OPCML: variants seen among roughly 807,000 people sequenced by gnomAD.
OPCML encodes the protein opioid-binding protein/cell adhesion molecule.
Under a neutral mutation model 37.8 loss-of-function variants are expected in OPCML, and 13 were observed. That is an observed-to-expected ratio of 0.34 (90% confidence interval 0.22 to 0.55). The LOEUF is 0.55. Ranked by LOEUF, OPCML falls within the 20% of genes least tolerant of loss-of-function variation. OPCML has a pLI of 0.91. For synonymous variants in OPCML, 176 were observed against 168.8 expected, an observed-to-expected ratio of 1.04 and a Z score of -0.33; for missense variants, 341 against 435.6, an observed-to-expected ratio of 0.78 and a Z score of 1.93.
intron 2 of OPCML, among the ~76,000 whole-genome samples, chr11:132,870,064 C>A (rs1409271025): frequency 6.6e-6 from 1 of 152,146 alleles, no homozygotes; most frequent in African/African-American, 2.4e-5. Context: ...CTACTACACA[C>A]TAGATTTCTT....
intron 1 of OPCML, among the ~76,000 whole-genome samples, chr11:133,187,377 G>C (rs980611009): frequency 2.0e-5 from 3 of 152,060 alleles, no homozygotes; most frequent in Non-Finnish European, 4.4e-5. Flanking sequence ...AGAACTACTG[G>C]TTGGGATGAT....
chr11:133,358,658 G>C (rs1450400519), intron 1 of OPCML, among the ~76,000 whole-genome samples: 1 of 152,186 alleles, frequency 6.6e-6, no homozygotes, highest in Non-Finnish European at 1.5e-5. Context: ...GTGTAATTGA[G>C]AGAGGTACAA....
intron 2 of OPCML, among the ~76,000 whole-genome samples, chr11:132,942,577 A>G (rs1345043548): frequency 6.8e-6 from 1 of 147,188 alleles, no homozygotes; most frequent in East Asian, 2.0e-4. Flanking sequence ...ACAGCCATCC[A>G]AGGGGCTCAG....
chr11:133,208,063 T>C lies in OPCML; in HGVS notation c.62-265053A>G, dbSNP rs549925991. On this transcript the variant is annotated intron_variant, in intron 1 of 7. Transcript: ENST00000524381. The surrounding 1 kb of genome is among the most constrained non-coding windows in gnomAD (Gnocchi z 8.9). The stretch of plus-strand genomic sequence containing the variant: ...AGGCAAGGTTAAGAGCTCCTTACTC[T>C]GAGCTCCCATAGCATTATTTTTTTC... 6.6e-6 allele frequency among the ~76,000 whole-genome samples: 1 copy of C among 152,318 alleles called. No homozygotes were observed. Among genetic ancestry groups the C allele is most frequent in the South Asian group, 2.1e-4 (1 of 4,828 alleles).
chr11:132,669,392 G>A (rs907470575), intron 2 of OPCML, among the ~76,000 whole-genome samples: 5 of 123,276 alleles, frequency 4.1e-5, no homozygotes. Flanking sequence ...CACAGATACT[G>A]CTGGGCACCA....
chr11:132,961,323 C>T (rs1946088899), intron 1 of OPCML, among the ~76,000 whole-genome samples: 2 of 152,212 alleles, frequency 1.3e-5, no homozygotes, highest in Non-Finnish European at 2.9e-5. Flanking sequence ...AAAAAAAGTA[C>T]ATTTTAAGGA....
intron 1 of OPCML, among the ~76,000 whole-genome samples, chr11:133,200,170 C>G (rs1047259798): frequency 1.3e-5 from 2 of 152,162 alleles, no homozygotes; most frequent in African/African-American, 4.8e-5. Flanking sequence ...AACTTGAGAA[C>G]TTTTTCCCTG....
intron 1 of OPCML, among the ~76,000 whole-genome samples, chr11:133,186,561 C>A (rs1471557636): frequency 6.6e-6 from 1 of 151,936 alleles, no homozygotes; most frequent in Non-Finnish European, 1.5e-5. Flanking sequence ...GGGAGAAGGG[C>A]CTTGCTTTCC....
chr11:132,569,013 A>G (rs2096431060), intron 3 of OPCML, among the ~76,000 whole-genome samples: 1 of 152,244 alleles, frequency 6.6e-6, no homozygotes, highest in African/African-American at 2.4e-5. Context: ...GTAAATGTGC[A>G]GATACAGGAG....
intron 1 of OPCML, among the ~76,000 whole-genome samples, chr11:133,109,993 T>C (rs1949225354): frequency 6.6e-6 from 1 of 152,184 alleles, no homozygotes; most frequent in Non-Finnish European, 1.5e-5. Context: ...TTTGACAATC[T>C]CTAGAGACAT....
At chr11:132,935,667 C>A (rs186229441) in intron 2 of OPCML, among the ~76,000 whole-genome samples, 5 of 152,268 alleles carry the variant, frequency 3.3e-5, no homozygotes, top group Admixed American at 3.3e-4. Context: ...CAAGTCAAAG[C>A]GAGTCACATG....
In OPCML at chr11:132,647,349, C is replaced by T. The variant is rs192276539; in HGVS notation, c.379+9738G>A. Among the ~76,000 whole-genome samples the T allele has an allele frequency of 4.5e-4, 69 of 152,216 alleles. 2 individuals carry two copies. In the East Asian group the frequency reaches 8.5e-3, roughly 19 times the overall value. On this transcript the variant is annotated intron_variant, in intron 3 of 7. Coordinates refer to ENST00000524381, the MANE Select transcript of OPCML (RefSeq NM_001012393.5). ...AATCTGATAATGTTTATAAGATGAC[C>T]GCCACCCCACTTAGTTAACTCTTGA...
rs542271333 is a variant in OPCML at position 132,500,289 on chromosome 11, C to A, written c.505+28772G>T. Among the ~76,000 whole-genome samples, 252 of 152,274 alleles carry A rather than the reference C, an allele frequency of 1.7e-3. 2 individuals are homozygous for A. The Middle Eastern group carries it at 0.02, about 12-fold the overall frequency. On this transcript the variant is annotated intron_variant, in intron 4 of 7. Coordinates refer to ENST00000524381, the MANE Select transcript of OPCML (RefSeq NM_001012393.5). The stretch of plus-strand genomic sequence containing the variant: ...GGATTAAATATATTAATATAATCCT[C>A]ATCCAATTTGATAGGTCTGGGGTGG...
At chr11:133,254,915 A>C (rs1333901740) in intron 1 of OPCML, among the ~76,000 whole-genome samples, 6 of 152,136 alleles carry the variant, frequency 3.9e-5, no homozygotes, top group Non-Finnish European at 5.9e-5. Flanking sequence ...CACTGAGTTC[A>C]AAAAAAGGGA....
intron 1 of OPCML, among the ~76,000 whole-genome samples, chr11:133,247,515 C>CTT (rs1160115029): frequency 8.5e-6 from 1 of 118,074 alleles, no homozygotes; most frequent in Non-Finnish European, 1.8e-5. Flanking sequence ...CTGAAGTTTT[C>CTT]TTTTTTCTTT....
chr11:133,034,220 A>G (rs1373352504), intron 1 of OPCML, among the ~76,000 whole-genome samples: 1 of 151,914 alleles, frequency 6.6e-6, no homozygotes, highest in Non-Finnish European at 1.5e-5. Flanking sequence ...GTACTTCTCT[A>G]TGGGGCAGTA....
Position 133,205,622 on chromosome 11 carries a change from G to C in OPCML, c.62-262612C>G, listed in dbSNP as rs927341138. Among the ~76,000 whole-genome samples, 6 of 152,222 alleles carry C rather than the reference G, an allele frequency of 3.9e-5. No individual in the cohort carries two copies. The South Asian group carries it at 6.2e-4, about 16-fold the overall frequency. ...GCCCAGTCCTCACGATCATTGCTCA[G>C]TTGGTGTGTGGGGAAAAATTTCTCA... On this transcript the variant is annotated intron_variant, in intron 1 of 7. Coordinates refer to ENST00000524381, the MANE Select transcript of OPCML (RefSeq NM_001012393.5). This position sits in a 1 kb window ranked among gnomAD's most constrained non-coding sequence, Gnocchi z 4.8.
At chr11:133,466,166 T>A in intron 1 of OPCML, among the ~76,000 whole-genome samples, 1 of 152,142 alleles carries the variant, frequency 6.6e-6, no homozygotes, top group Non-Finnish European at 1.5e-5. Flanking sequence ...TCAAGAAGTA[T>A]GTAATGTACA....
At chr11:133,070,114 G>C (rs950472342) in intron 1 of OPCML, among the ~76,000 whole-genome samples, 1 of 152,144 alleles carries the variant, frequency 6.6e-6, no homozygotes, top group Admixed American at 6.5e-5. Context: ...AAGAGAGTCC[G>C]TTCCACCATA....
Sources: gnomAD v4.1 joint callset for allele counts (sites outside exome capture counted in the v4.1 genomes callset) on GRCh38, gnomAD v4.1.1 for gene constraint, Gnocchi (gnomAD v3.1) non-coding constraint, MANE v1.5 for transcripts, NCBI Gene and HGNC (gene_info 2026-07-23, HGNC 2026-07-21) for gene names.